Variants in CA14 observed in about 807,000 individuals in gnomAD.
CA14 encodes carbonic anhydrase 14, also known as CA-XIV.
A neutral mutation model predicts 48.8 loss-of-function variants in CA14; 44 were observed. The observed-to-expected ratio is 0.90, with a 90% CI of 0.71 to 1.16. The LOEUF is 1.16. CA14 is among the 50% of genes most tolerant of loss of function. The pLI, the probability that CA14 is intolerant of heterozygous loss-of-function variation, is 0.00. For synonymous variants in CA14, 154 were observed against 155.0 expected (o/e 0.99, Z 0.05); for missense variants, 386 against 401.0 (o/e 0.96, Z 0.32).
In CA14 at chr1:150,263,082, G is replaced by T; in HGVS notation, c.603G>T (p.Leu201=). The T allele has an allele frequency of 1.2e-6, 2 of 1,614,116 alleles. No homozygotes were observed. Among genetic ancestry groups the T allele is most frequent in the Non-Finnish European group, 1.7e-6 (2 of 1,180,002 alleles). ...TGCCTCCCTTCAACCTAAGAGAGCTGCTCCCCAAACAGCTGGGGCAGTACT... is the reference window on the plus strand; with the variant it reads ...TGCCTCCCTTCAACCTAAGAGAGCTTCTCCCCAAACAGCTGGGGCAGTACT... ...TSVPPFNLRE[L]LPKQLGQYFR... Residue 201 remains leucine (L), a synonymous_variant, in exon 7 of 11, where the codon CTG becomes CTT. Transcript: ENST00000369111.
In CA14 at chr1:150,264,805, T is replaced by A. The variant is rs1233534238; in HGVS notation, c.*146T>A. 3.6e-6 allele frequency: 2 copies of A among 552,262 alleles called. No homozygotes were observed. Among genetic ancestry groups the A allele is most frequent in the Non-Finnish European group, 6.4e-6 (2 of 313,674 alleles). The allele number at this position is 552,262 out of a possible 1,614,324, so 34.2% of individuals were successfully genotyped here. A position where few individuals can be genotyped will look rare whatever the true frequency, so the allele number is the denominator to read the frequency against. ...CCCCTGGACATCTCCTAGAGAGGAA[T>A]GGACCCAGGCTGTCATTCCAGGAAG... On this transcript the variant is annotated 3_prime_UTR_variant, in exon 11 of 11. Coordinates refer to ENST00000369111, the MANE Select transcript of CA14 (RefSeq NM_012113.3).
At position 150,264,754 on chromosome 1, in the gene CA14, AG is replaced by A; in HGVS notation, c.*97del. On this transcript the variant is annotated 3_prime_UTR_variant, in exon 11 of 11. Coordinates refer to ENST00000369111, the MANE Select transcript of CA14 (RefSeq NM_012113.3). The stretch of plus-strand genomic sequence containing the variant: ...TGTAGGATCTGGCCAGAAACACTGT[AG>A]GAGTAGTAAGCAGATGTCCTCCTTC... 2.3e-6 allele frequency: 2 copies of A among 859,862 alleles called. No homozygotes were observed. Among genetic ancestry groups the A allele is most frequent in the Non-Finnish European group, 3.7e-6 (2 of 541,968 alleles). 53.3% of individuals were successfully genotyped at this position (859,862 alleles called of 1,614,324 possible).
At chr1:150,262,367 C>G in intron 4 of CA14, 67 bp downstream of exon 4, 1 of 1,553,904 alleles carries the variant, frequency 6.4e-7, no homozygotes, top group South Asian at 1.2e-5. Context: ...GGGAAAGGAT[C>G]TGGACCTTAG....
At chr1:150,260,198 A>C in intron 2 of CA14, 27 bp downstream of exon 2, 1 of 1,612,882 alleles carries the variant, frequency 6.2e-7, no homozygotes, top group Non-Finnish European at 8.5e-7. Context: ...GCCTCCCGAC[A>C]ACCCTTTCAC....
At chr1:150,262,905 T>C (rs1553848221) in intron 6 of CA14, 35 bp downstream of exon 6, 1 of 1,593,612 alleles carries the variant, frequency 6.3e-7, no homozygotes. Context: ...GAAGTAAGAT[T>C]AGACTTTCAA....
intron 4 of CA14, 112 bp downstream of exon 4, chr1:150,262,412 G>A: frequency 1.3e-6 from 2 of 1,500,002 alleles, no homozygotes; most frequent in Non-Finnish European, 1.8e-6. Flanking sequence ...GCCAATCTCT[G>A]AGGGACAGAC....
At chr1:150,262,130 C>A (rs1357332899) in intron 3 of CA14, 28 bp from the exon 4 acceptor site, 1 of 1,613,874 alleles carries the variant, frequency 6.2e-7, no homozygotes, top group East Asian at 2.2e-5. Context: ...ATGCCTCCAC[C>A]AATCCGAGTT....
At chr1:150,259,164 C>T (rs188666422) in intron 1 of CA14, among the ~76,000 whole-genome samples, 23 of 152,220 alleles carry the variant, frequency 1.5e-4, no homozygotes, top group African/African-American at 5.3e-4. Context: ...CTTGGGCTAG[C>T]AGAATAGGTC....
Position 150,264,805 on chromosome 1 carries a change from T to C in CA14, c.*146T>C. The C allele has an allele frequency of 1.8e-6, 1 of 552,262 alleles. No individual in the cohort carries two copies. 34.2% of individuals were successfully genotyped at this position (552,262 alleles called of 1,614,324 possible). On this transcript the variant is annotated 3_prime_UTR_variant, in exon 11 of 11. Transcript: ENST00000369111. ...CCCCTGGACATCTCCTAGAGAGGAA[T>C]GGACCCAGGCTGTCATTCCAGGAAG...
chr1:150,261,482 C>A lies in CA14; in HGVS notation c.100C>A (p.Pro34Thr), dbSNP rs781999303. 1.0e-4 allele frequency: 163 copies of A among 1,613,926 alleles called. No homozygotes were observed. Among genetic ancestry groups the A allele is most frequent in the Non-Finnish European group, 1.4e-4 (163 of 1,179,934 alleles). ...AGGCCCACATGGTCAGGACCATTGG[C>A]CAGCCTCTTACCCTGAGTGTGGAAA... ...YEGPHGQDHW[P>T]ASYPECGNNA... is the part of the protein sequence containing the mutation. The change falls in exon 3 of 11, where the codon CCA becomes ACA. Residue 34 changes from proline to threonine, a missense_variant. Coordinates refer to ENST00000369111, the MANE Select transcript of CA14 (RefSeq NM_012113.3).
At position 150,265,071 on chromosome 1, in the gene CA14, G is replaced by C. The variant is rs1553849240; in HGVS notation, c.*412G>C. ...AATATATTTGGAAATTAAAGTTTCTGACTTTAATTCTGGCCTATCCTTTGA... is the reference window on the plus strand; with the variant it reads ...AATATATTTGGAAATTAAAGTTTCTCACTTTAATTCTGGCCTATCCTTTGA... On this transcript the variant is annotated 3_prime_UTR_variant, in exon 11 of 11. Transcript: ENST00000369111. 1 of 153,860 alleles carries C rather than the reference G, an allele frequency of 6.5e-6. No homozygotes were observed. The highest frequency in any genetic ancestry group is 2.4e-5 in the African/African-American group (1 of 41,458). The allele number at this position is 153,860 out of a possible 1,614,324, so 9.5% of individuals were successfully genotyped here.
rs782804742 is a variant in CA14, at chr1:150,263,652, C to T, written c.842-7C>T. The T allele has an allele frequency of 1.4e-5, 22 of 1,613,900 alleles. No homozygotes were observed. Among genetic ancestry groups the T allele is most frequent in the South Asian group, 2.2e-5 (2 of 91,074 alleles). Reference sequence around the variant, plus strand: ...AAGTCCCACTGACCCATTTTCTTCTCTTACAGCAGGATCCTCGTATACCAC... The same window carrying T: ...AAGTCCCACTGACCCATTTTCTTCTTTTACAGCAGGATCCTCGTATACCAC... On this transcript the variant is annotated splice_region_variant and splice_polypyrimidine_tract_variant and intron_variant, in intron 8 of 10. Transcript: ENST00000369111.
At chr1:150,259,826 AG>A (rs2101827563) in intron 1 of CA14, among the ~76,000 whole-genome samples, 1 of 150,996 alleles carries the variant, frequency 6.6e-6, no homozygotes, top group South Asian at 2.1e-4. Flanking sequence ...GACTTGGCAC[AG>A]GTTACAGAAA....
chr1:150,263,460 G>T (rs970071731), intron 8 of CA14, 41 bp downstream of exon 8: 20 of 1,611,332 alleles, frequency 1.2e-5, no homozygotes, highest in Non-Finnish European at 1.7e-5. Flanking sequence ...AACTGAGGGG[G>T]ACACAATGGC....
rs371804274 is a variant in CA14, at chr1:150,263,212, G to A, written c.720+13G>A. ...TTCAATGGAACAGGTAAGTGGTGGA[G>A]AAACGAGGTGAGGTGAGACACAGTT... On this transcript the variant is annotated intron_variant, in intron 7 of 10. Transcript: ENST00000369111. The A allele has an allele frequency of 1.9e-6, 3 of 1,613,956 alleles. No individual in the cohort carries two copies. Among genetic ancestry groups the A allele is most frequent in the African/African-American group, 1.3e-5 (1 of 74,920 alleles).
chr1:150,261,666 A>T (rs1336087998), intron 3 of CA14, 28 bp downstream of exon 3: 17 of 1,605,120 alleles, frequency 1.1e-5, no homozygotes, highest in Non-Finnish European at 1.4e-5. Context: ...AAGGAGTTGT[A>T]GGCTCCAGCT....
intron 4 of CA14, 82 bp from the exon 5 acceptor site, chr1:150,262,443 C>CG: frequency 2.0e-6 from 3 of 1,470,630 alleles, no homozygotes; most frequent in South Asian, 1.2e-5. Flanking sequence ...CCGGGGACAG[C>CG]GGGGGGATGG....
intron 2 of CA14, chr1:150,260,834 A>G (rs1553847672): frequency 1.5e-5 from 2 of 137,076 alleles, no homozygotes; most frequent in African/African-American, 5.7e-5. Context: ...ATCTGGGCTC[A>G]CTGCAAACTC....
In CA14 at chr1:150,264,778, T is replaced by C; in HGVS notation, c.*119T>C. On this transcript the variant is annotated 3_prime_UTR_variant, in exon 11 of 11. Transcript: ENST00000369111. Reference sequence around the variant, plus strand: ...TAGGAGTAGTAAGCAGATGTCCTCCTTCCCCTGGACATCTCCTAGAGAGGA... The same window carrying C: ...TAGGAGTAGTAAGCAGATGTCCTCCCTCCCCTGGACATCTCCTAGAGAGGA... 2 of 655,310 alleles carry C rather than the reference T, an allele frequency of 3.1e-6. No homozygotes were observed. Among genetic ancestry groups the C allele is most frequent in the South Asian group, 2.0e-5 (1 of 50,848 alleles). The allele number at this position is 655,310 out of a possible 1,614,324, so 40.6% of individuals were successfully genotyped here.
Sources: allele counts gnomAD v4.1 joint callset (sites outside exome capture counted in the v4.1 genomes callset), GRCh38; gene constraint gnomAD v4.1.1; transcripts MANE v1.5; gene names NCBI Gene and HGNC (gene_info 2026-07-23, HGNC 2026-07-21).